ARHGAP15: variants seen among roughly 807,000 people sequenced by gnomAD.
ARHGAP15 encodes Rho GTPase activating protein 15.
Under a neutral mutation model 63.7 loss-of-function variants are expected in ARHGAP15, and 51 were observed. The ratio of observed to expected loss-of-function variants is 0.80; its 90% CI spans 0.64 to 1.01. ARHGAP15 has a LOEUF of 1.01. Among genes scored for constraint, ARHGAP15 ranks in the 50% least tolerant of loss-of-function variants. The probability of loss-of-function intolerance (pLI) is 0.00; values close to 1 mark genes in which losing one functional copy is unlikely to be tolerated. For synonymous variants in ARHGAP15, 191 were observed against 193.8 expected (o/e 0.99, Z 0.12); for missense variants, 560 against 564.6 (o/e 0.99, Z 0.08).
At chr2:143,489,663 T>TAACTGATTA in intron 9 of ARHGAP15, among the ~76,000 whole-genome samples, 1 of 152,262 alleles carries the variant, frequency 6.6e-6, no homozygotes. Flanking sequence ...AGAAAAACAA[T>TAACTGATTA]AAAATCAGTA....
intron 12 of ARHGAP15, among the ~76,000 whole-genome samples, chr2:143,693,272 C>T (rs1400805232): frequency 1.3e-5 from 2 of 152,196 alleles, no homozygotes; most frequent in African/African-American, 4.8e-5. Context: ...TGAGAAAATC[C>T]TCCTTTCAAA....
At chr2:143,767,202 CT>C (rs1174869104) in intron 13 of ARHGAP15, among the ~76,000 whole-genome samples, 1 of 152,042 alleles carries the variant, frequency 6.6e-6, no homozygotes, top group African/African-American at 2.4e-5. Flanking sequence ...AATAGCATTA[CT>C]TTTTTAATTA....
chr2:143,430,589 G>T (rs1177133687), intron 6 of ARHGAP15, among the ~76,000 whole-genome samples: 2 of 151,964 alleles, frequency 1.3e-5, no homozygotes, highest in African/African-American at 4.8e-5. Context: ...TTTAGGTCTT[G>T]ATATCTCCCT....
At chr2:143,747,563 A>G (rs745846024) in intron 13 of ARHGAP15, among the ~76,000 whole-genome samples, 1 of 152,150 alleles carries the variant, frequency 6.6e-6, no homozygotes, top group Non-Finnish European at 1.5e-5. Context: ...AAACCTCTGC[A>G]ACCACTGTTC....
At chr2:143,419,601 T>C (rs1288715414) in intron 6 of ARHGAP15, among the ~76,000 whole-genome samples, 1 of 151,546 alleles carries the variant, frequency 6.6e-6, no homozygotes, top group Admixed American at 6.6e-5. Context: ...AAAAAAATAA[T>C]AAGATACGAT....
At position 143,761,360 on chromosome 2, in the gene ARHGAP15, T is replaced by C. The variant is rs1266129734; in HGVS notation, c.1245-6629T>C. ...CTCTCCTTACTCCGTAAAACTATCC[T>C]AAAGTTATGTGTGTTGGAAAATCAT... On this transcript the variant is annotated intron_variant, in intron 13 of 13. Transcript: ENST00000295095. 3.9e-5 allele frequency among the ~76,000 whole-genome samples: 6 copies of C among 152,210 alleles called. No homozygotes were observed. In the South Asian group the frequency reaches 6.2e-4, roughly 16 times the overall value.
chr2:143,237,478 C>T (rs1383200339), intron 5 of ARHGAP15: 1 of 152,180 alleles, frequency 6.6e-6, no homozygotes, highest in African/African-American at 2.4e-5. Flanking sequence ...ACAAGCAGAG[C>T]TATCCATCTA....
chr2:143,609,886 C>T (rs561751185), intron 11 of ARHGAP15, among the ~76,000 whole-genome samples: 11 of 152,192 alleles, frequency 7.2e-5, no homozygotes, highest in Admixed American at 2.6e-4. Flanking sequence ...AATAAATGCT[C>T]GTGCTCAAAA....
At chr2:143,532,375 C>A (rs1694557767) in intron 10 of ARHGAP15, among the ~76,000 whole-genome samples, 1 of 152,182 alleles carries the variant, frequency 6.6e-6, no homozygotes, top group African/African-American at 2.4e-5. Context: ...TGTAATGTTT[C>A]CTCACATATA....
chr2:143,381,108 ATTAAAACAAGTCTAGTTGCGTGTAT>A (rs1469995489), intron 6 of ARHGAP15, among the ~76,000 whole-genome samples: 11 of 152,214 alleles, frequency 7.2e-5, no homozygotes, highest in Non-Finnish European at 1.0e-4. Context: ...GACTAATTGT[ATTAAAACAAGTCTAGTTGCGTGTAT>A]TTAAAACAAG....
intron 9 of ARHGAP15, among the ~76,000 whole-genome samples, chr2:143,502,970 C>T (rs1185843824): frequency 6.6e-6 from 1 of 151,970 alleles, no homozygotes; most frequent in African/African-American, 2.4e-5. Context: ...ATTTACTGAC[C>T]AGGACCATGG....
Position 143,468,118 on chromosome 2 carries a change from T to G in ARHGAP15, c.704-19255T>G, listed in dbSNP as rs138402551. On this transcript the variant is annotated intron_variant, in intron 8 of 13. Coordinates refer to ENST00000295095, the MANE Select transcript of ARHGAP15 (RefSeq NM_018460.4). ...TTACTTCATAGCATCAATTACTGTA[T>G]AGTTTATATTTTAAGTACTTGTATA... 2.6e-5 allele frequency among the ~76,000 whole-genome samples: 4 copies of G among 152,236 alleles called. No individual in the cohort carries two copies. The East Asian group carries it at 7.7e-4, about 29-fold the overall frequency.
chr2:143,267,662 G>T (rs1681063820), intron 6 of ARHGAP15, among the ~76,000 whole-genome samples: 1 of 152,134 alleles, frequency 6.6e-6, no homozygotes, highest in Non-Finnish European at 1.5e-5. Flanking sequence ...ATGAATGTAT[G>T]TTATACATCA....
At chr2:143,309,702 G>A (rs901656321) in intron 6 of ARHGAP15, among the ~76,000 whole-genome samples, 1 of 151,970 alleles carries the variant, frequency 6.6e-6, no homozygotes, top group East Asian at 1.9e-4. Context: ...TTAATATTTT[G>A]TATCAGATAA....
chr2:143,666,840 C>A (rs1378064190), intron 12 of ARHGAP15, among the ~76,000 whole-genome samples: 3 of 149,402 alleles, frequency 2.0e-5, no homozygotes, highest in Admixed American at 6.6e-5. Flanking sequence ...CACTGGCCAT[C>A]AGAGAAATGC....
At chr2:143,386,377 G>A (rs1261970502) in intron 6 of ARHGAP15, among the ~76,000 whole-genome samples, 2 of 152,106 alleles carry the variant, frequency 1.3e-5, no homozygotes, top group Admixed American at 6.6e-5. Context: ...AGCTTGTTTT[G>A]TAGTTAAGGA....
At chr2:143,529,962 C>T (rs1476279485) in intron 10 of ARHGAP15, among the ~76,000 whole-genome samples, 5 of 152,048 alleles carry the variant, frequency 3.3e-5, no homozygotes, top group African/African-American at 1.2e-4. Flanking sequence ...ATCACCCCGT[C>T]CCCACAGTGC....
chr2:143,542,458 T>A (rs186352088), intron 10 of ARHGAP15, among the ~76,000 whole-genome samples: 33 of 152,104 alleles, frequency 2.2e-4, no homozygotes, highest in Middle Eastern at 3.4e-3. Flanking sequence ...TCACCCATCT[T>A]CTGCGTCACT....
At chr2:143,496,699 G>T (rs968574727) in intron 9 of ARHGAP15, among the ~76,000 whole-genome samples, 2 of 152,150 alleles carry the variant, frequency 1.3e-5, no homozygotes, top group African/African-American at 4.8e-5. Context: ...AAGTCCTCAA[G>T]ATGTTTCCCT....
Sources: allele counts gnomAD v4.1 joint callset (sites outside exome capture counted in the v4.1 genomes callset), GRCh38; gene constraint gnomAD v4.1.1; transcripts MANE v1.5; gene names NCBI Gene and HGNC (gene_info 2026-07-23, HGNC 2026-07-21).